Variants in ERICH5 observed in about 807,000 individuals in gnomAD.
ERICH5 encodes glutamate rich 5.
A neutral mutation model predicts 28.0 loss-of-function variants in ERICH5; 24 were observed. The observed-to-expected ratio is 0.86, with a 90% CI of 0.62 to 1.21. The LOEUF (loss-of-function observed/expected upper bound fraction) is 1.21, where lower values mean the gene tolerates loss of function less well. ERICH5 is among the 50% of genes most tolerant of loss of function. The pLI, the probability that ERICH5 is intolerant of heterozygous loss-of-function variation, is 0.00. For missense variants in ERICH5, 421 were observed against 441.2 expected, an observed-to-expected ratio of 0.95 and a Z score of 0.41; for synonymous variants, 163 against 157.6, an observed-to-expected ratio of 1.03 and a Z score of -0.25.
intron 2 of ERICH5, 88 bp downstream of exon 2, chr8:98,090,117 G>A: frequency 2.1e-6 from 2 of 936,628 alleles, no homozygotes; most frequent in Non-Finnish European, 3.1e-6. Flanking sequence ...CTGACACACA[G>A]TCCCTGAAGT....
At chr8:98,066,697 C>G (rs1372569707) in intron 1 of ERICH5, among the ~76,000 whole-genome samples, 1 of 152,180 alleles carries the variant, frequency 6.6e-6, no homozygotes, top group Non-Finnish European at 1.5e-5. Flanking sequence ...GTAAATTGCT[C>G]AACACACACG....
chr8:98,085,772 C>G (rs923610010), intron 1 of ERICH5, among the ~76,000 whole-genome samples: 4 of 152,234 alleles, frequency 2.6e-5, no homozygotes, highest in Non-Finnish European at 5.9e-5. Flanking sequence ...TCCAGCCGCA[C>G]TATCCTTTCC....
At chr8:98,074,989 ACT>A (rs950650011) in intron 1 of ERICH5, among the ~76,000 whole-genome samples, 7 of 151,832 alleles carry the variant, frequency 4.6e-5, no homozygotes, top group African/African-American at 1.5e-4. Flanking sequence ...GTTTTTGATG[ACT>A]CTGACAGTTT....
intron 1 of ERICH5, 101 bp from the exon 2 acceptor site, chr8:98,088,975 T>A: frequency 1.2e-6 from 1 of 860,286 alleles, no homozygotes; most frequent in Non-Finnish European, 1.8e-6. Flanking sequence ...TGTCTTGAAC[T>A]GTTAAATCTA....
Position 98,089,485 on chromosome 8 carries a change from C to A in ERICH5, c.468C>A (p.Ala156=). Reference sequence around the variant, plus strand: ...AAGCTCAGCCTTTAGGACCAGAAGCCAAGGGTCAGCCTTTGCAGGCAGCAG... The same window carrying A: ...AAGCTCAGCCTTTAGGACCAGAAGCAAAGGGTCAGCCTTTGCAGGCAGCAG... ...NAEAQPLGPE[A]KGQPLQAAVE... is the part of the protein sequence containing the mutation. Residue 156 remains alanine (A), a synonymous_variant, in exon 2 of 3, where the codon GCC becomes GCA. Coordinates refer to ENST00000318528, the MANE Select transcript of ERICH5 (RefSeq NM_173549.3). 6.2e-7 allele frequency: 1 copy of A among 1,614,170 alleles called. No individual in the cohort carries two copies. The highest frequency in any genetic ancestry group is 8.5e-7 in the Non-Finnish European group (1 of 1,180,028).
At position 98,089,962 on chromosome 8, in the gene ERICH5, A is replaced by G. The variant is rs377181328; in HGVS notation, c.945A>G (p.Val315=). The G allele has an allele frequency of 3.1e-6, 5 of 1,614,108 alleles. No individual in the cohort carries two copies. In the African/African-American group the frequency reaches 6.7e-5, roughly 22 times the overall value. The part of the protein sequence containing the change: ...VGSMEHPARN[V]EAGAYVEMIR... ...GCATGGAGCATCCAGCACGAAATGT[A>G]GAGGCAGGAGCATATGTGGAAATGA... Residue 315 remains valine, a synonymous_variant, in exon 2 of 3, where the codon GTA becomes GTG. Transcript: ENST00000318528.
Position 98,070,660 on chromosome 8 carries a change from C to CAAAAAAAAAAAAAAA in ERICH5, c.58+5941_58+5955dup, listed in dbSNP as rs769042472. On this transcript the variant is annotated intron_variant, in intron 1 of 2. Transcript: ENST00000318528. Reference sequence around the variant, plus strand: ...GGGCAACAAGAGTGAAACTGCATCTCAAAAAAAAAAAAAAAAAAAAAAGAA... The same window carrying CAAAAAAAAAAAAAAA: ...GGGCAACAAGAGTGAAACTGCATCTCAAAAAAAAAAAAAAAAAAAAAAAAAAAAAAAAAAAAAGAA... 8.8e-4 allele frequency among the ~76,000 whole-genome samples: 34 copies of CAAAAAAAAAAAAAAA among 38,742 alleles called. 2 individuals carry two copies. The highest frequency in any genetic ancestry group is 1.1e-3 in the East Asian group (2 of 1,896). 25.4% of individuals were successfully genotyped at this position (38,742 alleles called of 152,430 possible).
intron 1 of ERICH5, among the ~76,000 whole-genome samples, chr8:98,084,890 C>T (rs1458840711): frequency 6.6e-6 from 1 of 151,832 alleles, no homozygotes; most frequent in Non-Finnish European, 1.5e-5. Flanking sequence ...AAGATTGTGC[C>T]CCTTTGAAAT....
chr8:98,084,548 T>C (rs1815238897), intron 1 of ERICH5, among the ~76,000 whole-genome samples: 1 of 151,940 alleles, frequency 6.6e-6, no homozygotes, highest in South Asian at 2.1e-4. Context: ...GCCTGGCTAA[T>C]TTTTGTATTT....
rs376209822 is a variant in ERICH5, at chr8:98,093,210, T to C, written c.1013-11T>C. The C allele has an allele frequency of 1.9e-6, 3 of 1,585,438 alleles. No individual in the cohort carries two copies. Among genetic ancestry groups the C allele is most frequent in the Non-Finnish European group, 2.6e-6 (3 of 1,156,048 alleles). On this transcript the variant is annotated splice_polypyrimidine_tract_variant and intron_variant, in intron 2 of 2. Coordinates refer to ENST00000318528, the MANE Select transcript of ERICH5 (RefSeq NM_173549.3). ...AATGTCTCTTAGTATCTCCTTTGGT[T>C]ACTTTTCCAGGTGAGACAGGGGAAA...
At chr8:98,081,867 G>A (rs1586203973) in intron 1 of ERICH5, among the ~76,000 whole-genome samples, 1 of 151,910 alleles carries the variant, frequency 6.6e-6, no homozygotes, top group African/African-American at 2.4e-5. Context: ...GGCGGAGGTT[G>A]CAGTGAGCTG....
intron 2 of ERICH5, 23 bp downstream of exon 2, chr8:98,090,052 T>G: frequency 6.4e-7 from 1 of 1,563,792 alleles, no homozygotes; most frequent in South Asian, 1.2e-5. Flanking sequence ...CTGGCAAACC[T>G]GGATGTTTAG....
At chr8:98,071,776 C>T (rs941506335) in intron 1 of ERICH5, among the ~76,000 whole-genome samples, 2 of 152,148 alleles carry the variant, frequency 1.3e-5, no homozygotes, top group Non-Finnish European at 1.5e-5. Context: ...CCTTGAACCA[C>T]TTCTTGGGAA....
intron 1 of ERICH5, among the ~76,000 whole-genome samples, chr8:98,073,387 A>C (rs1814956055): frequency 7.6e-6 from 1 of 132,010 alleles, no homozygotes; most frequent in Non-Finnish European, 1.6e-5. Context: ...GACCAGCCTA[A>C]CCAACATAGT....
Position 98,093,303 on chromosome 8 carries a change from A to G in ERICH5, c.1095A>G (p.Gly365=), listed in dbSNP as rs1815442092. The G allele has an allele frequency of 1.2e-6, 2 of 1,613,960 alleles. No homozygotes were observed. The highest frequency in any genetic ancestry group is 1.7e-6 in the Non-Finnish European group (2 of 1,179,858). The change falls in exon 3 of 3, where the codon GGA becomes GGG. Residue 365 remains glycine (G), a synonymous_variant. Coordinates refer to ENST00000318528, the MANE Select transcript of ERICH5 (RefSeq NM_173549.3). ...EGAETKEEET[G]EVVDLSAAT The stretch of plus-strand genomic sequence containing the variant: ...CTGAAACCAAAGAAGAAGAAACAGG[A>G]GAAGTGGTGGACCTTTCAGCAGCCA...
intron 1 of ERICH5, among the ~76,000 whole-genome samples, chr8:98,075,667 C>A (rs764036243): frequency 1.7e-4 from 26 of 151,372 alleles, no homozygotes; most frequent in South Asian, 2.1e-4. Flanking sequence ...GTGCACAGAG[C>A]CCCCACGCTT....
chr8:98,067,592 A>G (rs1338804123), intron 1 of ERICH5, among the ~76,000 whole-genome samples: 2 of 152,058 alleles, frequency 1.3e-5, no homozygotes, highest in African/African-American at 4.8e-5. Context: ...AATCAATACA[A>G]TACAATCAAC....
At chr8:98,083,604 A>T (rs535707113) in intron 1 of ERICH5, among the ~76,000 whole-genome samples, 1 of 152,146 alleles carries the variant, frequency 6.6e-6, no homozygotes, top group South Asian at 2.1e-4. Context: ...ATTGACACAC[A>T]TGCACACACA....
intron 1 of ERICH5, among the ~76,000 whole-genome samples, chr8:98,083,147 G>A (rs748281586): frequency 5.3e-5 from 8 of 152,112 alleles, no homozygotes; most frequent in Non-Finnish European, 1.0e-4. Flanking sequence ...AATGCCTTTC[G>A]AATGTACTCA....
Sources: allele counts gnomAD v4.1 joint callset (sites outside exome capture counted in the v4.1 genomes callset), GRCh38; gene constraint gnomAD v4.1.1; transcripts MANE v1.5; gene names NCBI Gene and HGNC (gene_info 2026-07-23, HGNC 2026-07-21).